The following NBPF3 variants were observed in gnomAD, a reference collection of about 807,000 sequenced individuals.
NBPF3 encodes NBPF member 3, also known as NBPF family member NBPF3.
NBPF3 carries 57 observed loss-of-function variants against 78.1 expected under a neutral mutation model. The ratio of observed to expected loss-of-function variants is 0.73; its 90% CI spans 0.59 to 0.91. The LOEUF (loss-of-function observed/expected upper bound fraction) is 0.91. Ranked by LOEUF, NBPF3 falls within the 40% of genes least tolerant of loss-of-function variation. NBPF3 has a pLI of 0.00. For missense variants in NBPF3, 510 were observed against 715.3 expected (o/e 0.71, Z 3.27); for synonymous variants, 182 against 271.7 (o/e 0.67, Z 3.25).
chr1:21,439,565 C>T (rs568045999), upstream of NBPF3, among the ~76,000 whole-genome samples: 1 of 152,122 alleles, frequency 6.6e-6, no homozygotes, highest in East Asian at 1.9e-4. Flanking sequence ...AACAGCATCC[C>T]ACAGATTGCC....
chr1:21,446,913 C>T lies in NBPF3; in HGVS notation c.133+1694C>T, dbSNP rs550448660. ...ACTGTCTAGATTGCTGAGGCTGCTTCTCCTTAACCGATCTGCTATCTGTAT... is the reference window on the plus strand; with the variant it reads ...ACTGTCTAGATTGCTGAGGCTGCTTTTCCTTAACCGATCTGCTATCTGTAT... On this transcript the variant is annotated intron_variant, in intron 2 of 14. Coordinates refer to ENST00000318249, the MANE Select transcript of NBPF3 (RefSeq NM_032264.6). Among the ~76,000 whole-genome samples the T allele has an allele frequency of 2.0e-5, 3 of 152,296 alleles. No homozygotes were observed. The East Asian group carries it at 5.8e-4, about 29-fold the overall frequency.
rs1640545295 is a variant in NBPF3 at position 21,440,284 on chromosome 1, G to C, written c.-204G>C. The C allele has an allele frequency of 6.6e-6, 1 of 152,268 alleles. No homozygotes were observed. Among genetic ancestry groups the C allele is most frequent in the Non-Finnish European group, 1.5e-5 (1 of 68,094 alleles). 9.4% of individuals were successfully genotyped at this position (152,268 alleles called of 1,614,324 possible). On this transcript the variant is annotated 5_prime_UTR_variant, in exon 1 of 15. Transcript: ENST00000318249. Reference sequence around the variant, plus strand: ...GCGCCAGGAGCTGGGCCGAGGCGCGGCGGCGCGGCTGCGGGCCGCCGTCTG... The same window carrying C: ...GCGCCAGGAGCTGGGCCGAGGCGCGCCGGCGCGGCTGCGGGCCGCCGTCTG...
chr1:21,456,751 A>G (rs1430290479), intron 2 of NBPF3, among the ~76,000 whole-genome samples: 1 of 152,248 alleles, frequency 6.6e-6, no homozygotes, highest in Non-Finnish European at 1.5e-5. Context: ...AAAAACTCAC[A>G]GGTAACATTA....
At position 21,468,685 on chromosome 1, in the gene NBPF3, C is replaced by T. The variant is rs1642410894; in HGVS notation, c.134-3C>T. The stretch of plus-strand genomic sequence containing the variant: ...ATCGTGTGTTTGGGTGTCTTCTCCC[C>T]AGTCCCTGGCCCCACCTCTTCTGCC... On this transcript the variant is annotated splice_polypyrimidine_tract_variant and splice_region_variant and intron_variant, in intron 2 of 14. Coordinates refer to ENST00000318249, the MANE Select transcript of NBPF3 (RefSeq NM_032264.6). 6.2e-7 allele frequency: 1 copy of T among 1,612,788 alleles called. No individual in the cohort carries two copies. The highest frequency in any genetic ancestry group is 1.3e-5 in the African/African-American group (1 of 74,904).
intron 2 of NBPF3, among the ~76,000 whole-genome samples, chr1:21,458,365 CTTT>C (rs35837630): frequency 3.8e-5 from 5 of 131,954 alleles, no homozygotes; most frequent in Non-Finnish European, 4.9e-5. Flanking sequence ...AGGGCATGGG[CTTT>C]TTTTTTTTTT....
intron 2 of NBPF3, among the ~76,000 whole-genome samples, chr1:21,466,775 A>T (rs1235933846): frequency 6.6e-6 from 1 of 152,196 alleles, no homozygotes; most frequent in Non-Finnish European, 1.5e-5. Flanking sequence ...ATGATTTGCT[A>T]TCCCTCCTCT....
intron 2 of NBPF3, among the ~76,000 whole-genome samples, chr1:21,449,417 CA>C (rs1349692318): frequency 6.6e-6 from 1 of 152,056 alleles, no homozygotes; most frequent in African/African-American, 2.4e-5. Flanking sequence ...CGAGATGATA[CA>C]TTTTCACATA....
At chr1:21,461,707 C>T (rs1174247897) in intron 2 of NBPF3, among the ~76,000 whole-genome samples, 1 of 152,134 alleles carries the variant, frequency 6.6e-6, no homozygotes, top group Admixed American at 6.5e-5. Context: ...AGGTGATCTG[C>T]CCGCCTCAGC....
upstream of NBPF3, chr1:21,436,818 G>T: frequency 9.4e-7 from 1 of 1,067,772 alleles, no homozygotes. This position sits in a 1 kb window ranked among gnomAD's most constrained non-coding sequence, Gnocchi z 4.3. Flanking sequence ...AGGTAGGAAG[G>T]GGCTTGAGCG....
chr1:21,457,381 T>TGTATATATATGTAG (rs1334754780), intron 2 of NBPF3, among the ~76,000 whole-genome samples: 1 of 150,390 alleles, frequency 6.6e-6, no homozygotes, highest in African/African-American at 2.4e-5. Context: ...TATATATGTA[T>TGTATATATATGTAG]GTATATATAT....
At chr1:21,451,792 T>TA in intron 2 of NBPF3, 1 of 282,054 alleles carries the variant, frequency 3.5e-6, no homozygotes. Context: ...GATGGTCAAA[T>TA]AAAATAATAT....
At chr1:21,479,142 CAG>C (rs1423999624) in intron 9 of NBPF3, among the ~76,000 whole-genome samples, 19 of 152,370 alleles carry the variant, frequency 1.2e-4, no homozygotes, top group South Asian at 8.3e-4. Flanking sequence ...CATTCCAAAA[CAG>C]GGGCATTTTG....
rs376736575 is a variant in NBPF3, at chr1:21,454,465, T to C, written c.133+9246T>C. On this transcript the variant is annotated intron_variant, in intron 2 of 14. Transcript: ENST00000318249. Reference sequence around the variant, plus strand: ...CTTTGGGGAAGAAGGAAGCCTTCAATGTTGTCACAAGTGTATCCTGGAAAT... The same window carrying C: ...CTTTGGGGAAGAAGGAAGCCTTCAACGTTGTCACAAGTGTATCCTGGAAAT... 3.9e-5 allele frequency among the ~76,000 whole-genome samples: 6 copies of C among 152,258 alleles called. No individual in the cohort carries two copies. The South Asian group carries it at 1.2e-3, about 32-fold the overall frequency.
rs1642874900 is a variant in NBPF3 at position 21,476,099 on chromosome 1, G to GT, written c.992+1148_992+1149insT. Among the ~76,000 whole-genome samples the GT allele has an allele frequency of 1.3e-5, 1 of 79,040 alleles. No individual in the cohort carries two copies. Among genetic ancestry groups the GT allele is most frequent in the Admixed American group, 1.6e-4 (1 of 6,066 alleles). The allele number at this position is 79,040 out of a possible 152,430, so 51.9% of individuals were successfully genotyped here. Reference sequence around the variant, plus strand: ...ATCAAAGACTAGGATTGCAACCCCTGCTTTTTTTTGCTCTCCATTTGCTTG... The same window carrying GT: ...ATCAAAGACTAGGATTGCAACCCCTGTCTTTTTTTTGCTCTCCATTTGCTTG... On this transcript the variant is annotated intron_variant, in intron 8 of 14. Transcript: ENST00000318249. This position sits in a 1 kb window ranked among gnomAD's most constrained non-coding sequence, Gnocchi z 4.1.
At chr1:21,452,936 C>T (rs1179167143) in intron 2 of NBPF3, among the ~76,000 whole-genome samples, 1 of 152,212 alleles carries the variant, frequency 6.6e-6, no homozygotes, top group Admixed American at 6.5e-5. Context: ...GTTGAAAGTA[C>T]AATATCTTGA....
intron 2 of NBPF3, among the ~76,000 whole-genome samples, chr1:21,455,088 C>T (rs1352528836): frequency 7.9e-5 from 12 of 152,194 alleles, no homozygotes; most frequent in African/African-American, 2.9e-4. Context: ...CCCATGTTCC[C>T]ACTGCATGCT....
chr1:21,440,388 G>T (rs925015408), intron 1 of NBPF3, 40 bp downstream of exon 1: 1 of 151,748 alleles, frequency 6.6e-6, no homozygotes, highest in Non-Finnish European at 1.5e-5. Context: ...GGTGAATCCG[G>T]GACCGGCGGG....
At chr1:21,481,446 A>G (rs1445199180) in intron 12 of NBPF3, 151 bp from the exon 13 acceptor site, 1 of 1,001,582 alleles carries the variant, frequency 1.0e-6, no homozygotes, top group African/African-American at 1.6e-5. Flanking sequence ...GCCCTGTGCC[A>G]TCCCAACTGA....
At chr1:21,438,541 C>T (rs963964073), upstream of NBPF3, among the ~76,000 whole-genome samples, 2 of 152,212 alleles carry the variant, frequency 1.3e-5, no homozygotes, top group Non-Finnish European at 2.9e-5. Context: ...ATATATAGCA[C>T]TTAGAACAGA....
Sources: allele counts gnomAD v4.1 joint callset (sites outside exome capture counted in the v4.1 genomes callset), GRCh38; gene constraint gnomAD v4.1.1; non-coding constraint Gnocchi (gnomAD v3.1); transcripts MANE v1.5; gene names NCBI Gene and HGNC (gene_info 2026-07-23, HGNC 2026-07-21).